MTCH2: variants seen among roughly 807,000 people sequenced by gnomAD.
MTCH2 encodes the protein mitochondrial carrier 2.
A neutral mutation model predicts 50.6 loss-of-function variants in MTCH2; 25 were observed. That is an observed-to-expected ratio of 0.49 (90% CI 0.36 to 0.69). The LOEUF is 0.69. Among genes scored for constraint, MTCH2 ranks in the 30% least tolerant of loss-of-function variants. The pLI is 0.00. For synonymous variants in MTCH2, 106 were observed against 132.0 expected (o/e 0.80, Z 1.35); for missense variants, 273 against 384.4 (o/e 0.71, Z 2.42).
intron 11 of MTCH2, 44 bp from the exon 12 acceptor site, chr11:47,622,820 C>G (rs756616131): frequency 4.0e-6 from 4 of 1,009,772 alleles, no homozygotes; most frequent in Non-Finnish European, 5.1e-6. Context: ...TAATATTAAC[C>G]ATTCTCTTGA....
chr11:47,641,412 G>C (rs2097314071), intron 1 of MTCH2, among the ~76,000 whole-genome samples: 1 of 152,124 alleles, frequency 6.6e-6, no homozygotes, highest in Non-Finnish European at 1.5e-5. Context: ...ATAAGAAATG[G>C]GGCCCTCTCT....
intron 9 of MTCH2, 86 bp from the exon 10 acceptor site, chr11:47,627,213 T>G (rs1442261985): frequency 1.8e-6 from 2 of 1,120,546 alleles, no homozygotes; most frequent in African/African-American, 1.6e-5. Context: ...TTTCTTTTCT[T>G]TTTTTCTTTC....
intron 5 of MTCH2, among the ~76,000 whole-genome samples, chr11:47,632,384 T>C (rs1405447034): frequency 6.6e-6 from 1 of 151,790 alleles, no homozygotes; most frequent in Non-Finnish European, 1.5e-5. Context: ...AGGACAGTCT[T>C]GCTCTGTCAC....
At chr11:47,623,284 AT>A (rs1692488706) in intron 11 of MTCH2, among the ~76,000 whole-genome samples, 2 of 151,768 alleles carry the variant, frequency 1.3e-5, no homozygotes, top group African/African-American at 2.4e-5. Context: ...AGGCATGTGA[AT>A]TGCTTCAACC....
In MTCH2 at chr11:47,627,093, T is replaced by C. The variant is rs2097298906; in HGVS notation, c.668A>G (p.Gln223Arg). 1 of 1,600,686 alleles carries C rather than the reference T, an allele frequency of 6.2e-7. No individual in the cohort carries two copies. Among genetic ancestry groups the C allele is most frequent in the Admixed American group, 1.7e-5 (1 of 58,274 alleles). The change falls in exon 10 of 13, where the codon CAA (glutamine) becomes CGA (arginine). Residue 223 changes from glutamine to arginine, a missense_variant. Coordinates refer to ENST00000302503, the MANE Select transcript of MTCH2 (RefSeq NM_014342.4). ...STMNEMKSYS[Q>R]AVTGFFASML... is the part of the protein sequence containing the mutation. The stretch of plus-strand genomic sequence containing the variant: ...TAAAAAACTCACTCCTGTGACAGCT[T>C]GAGAATAACTCTTCATTTCATTCAT...
intron 9 of MTCH2, among the ~76,000 whole-genome samples, chr11:47,628,725 C>T (rs996703031): frequency 1.3e-5 from 2 of 152,154 alleles, no homozygotes; most frequent in Non-Finnish European, 2.9e-5. Flanking sequence ...TAGGCACGCA[C>T]CACCACGCCC....
the MTCH2 span, among the ~76,000 whole-genome samples, chr11:47,611,099 G>A: frequency 6.6e-6 from 1 of 152,316 alleles, no homozygotes; most frequent in South Asian, 2.1e-4. Flanking sequence ...AGAGTTTTAT[G>A]TTCTTGTCAT....
At chr11:47,633,526 ATTTTTTTTTTTT>A (rs869251946) in intron 5 of MTCH2, among the ~76,000 whole-genome samples, 1 of 35,076 alleles carries the variant, frequency 2.9e-5, no homozygotes, top group African/African-American at 8.3e-5. Flanking sequence ...ATATATATAT[ATTTTTTTTTTTT>A]TTTTTTTTTT....
intron 5 of MTCH2, among the ~76,000 whole-genome samples, chr11:47,633,527 T>TATATGTA (rs59398950): frequency 2.5e-3 from 47 of 19,172 alleles, no homozygotes; most frequent in African/African-American, 7.2e-3. Flanking sequence ...TATATATATA[T>TATATGTA]TTTTTTTTTT....
At chr11:47,623,331 T>C (rs1484998539) in intron 11 of MTCH2, among the ~76,000 whole-genome samples, 6 of 136,538 alleles carry the variant, frequency 4.4e-5, no homozygotes, top group Non-Finnish European at 9.1e-5. Context: ...AAGATTGCAC[T>C]ACTGCACTCC....
intron 9 of MTCH2, among the ~76,000 whole-genome samples, chr11:47,627,918 T>A (rs111307482): frequency 6.6e-6 from 1 of 152,172 alleles, no homozygotes; most frequent in East Asian, 1.9e-4. Context: ...TAGGGACGAA[T>A]GTAAAAGGAT....
intron 5 of MTCH2, among the ~76,000 whole-genome samples, chr11:47,632,172 A>C (rs1033816155): frequency 1.3e-5 from 2 of 152,056 alleles, no homozygotes; most frequent in African/African-American, 4.8e-5. Flanking sequence ...TTTTGGGAGA[A>C]GAGAACAATT....
intron 5 of MTCH2, among the ~76,000 whole-genome samples, chr11:47,632,194 C>T (rs761452795): frequency 6.6e-6 from 1 of 152,004 alleles, no homozygotes; most frequent in Non-Finnish European, 1.5e-5. Flanking sequence ...TGTTTTGTGA[C>T]TACAACCCAG....
rs1848542142 is a variant in MTCH2 at position 47,625,761 on chromosome 11, C to G, written c.682-20G>C. 1 of 1,576,890 alleles carries G rather than the reference C, an allele frequency of 6.3e-7. No individual in the cohort carries two copies. Among genetic ancestry groups the G allele is most frequent in the African/African-American group, 1.4e-5 (1 of 73,254 alleles). ...AAAAAACTGTAAAATGGAAACAAGG[C>G]AGCTGTTATTAGATCATTCCTAGTC... On this transcript the variant is annotated intron_variant, in intron 10 of 12. Coordinates refer to ENST00000302503, the MANE Select transcript of MTCH2 (RefSeq NM_014342.4).
intron 5 of MTCH2, among the ~76,000 whole-genome samples, chr11:47,633,526 A>ATATTTT (rs1378774715): frequency 2.9e-4 from 10 of 35,076 alleles, no homozygotes; most frequent in African/African-American, 8.3e-4. Flanking sequence ...ATATATATAT[A>ATATTTT]TTTTTTTTTT....
At chr11:47,635,126 C>A (rs371651469) in intron 4 of MTCH2, among the ~76,000 whole-genome samples, 1 of 151,602 alleles carries the variant, frequency 6.6e-6, no homozygotes. Context: ...GTCACTCACG[C>A]GGAGTGCAGT....
the MTCH2 span, among the ~76,000 whole-genome samples, chr11:47,609,578 G>A: frequency 6.9e-6 from 1 of 145,878 alleles, no homozygotes; most frequent in South Asian, 2.2e-4. Flanking sequence ...AGTGAGTTGG[G>A]ATCGTGCCAC....
At chr11:47,638,636 G>A in intron 3 of MTCH2, 63 bp downstream of exon 3, 1 of 1,066,210 alleles carries the variant, frequency 9.4e-7, no homozygotes, top group Non-Finnish European at 1.3e-6. Flanking sequence ...TTGATATTTA[G>A]AACAAACTAT....
At chr11:47,616,802 G>A (rs913645771), downstream of MTCH2, among the ~76,000 whole-genome samples, 1 of 151,382 alleles carries the variant, frequency 6.6e-6, no homozygotes, top group Non-Finnish European at 1.5e-5. Context: ...TCCTGCCTCA[G>A]CCTCCCGCAT....
Sources: gnomAD v4.1 joint callset for allele counts (sites outside exome capture counted in the v4.1 genomes callset) on GRCh38, gnomAD v4.1.1 for gene constraint, MANE v1.5 for transcripts, NCBI Gene and HGNC (gene_info 2026-07-23, HGNC 2026-07-21) for gene names.